ANKRD44: variants seen among roughly 807,000 people sequenced by gnomAD.
ANKRD44 encodes the protein ankyrin repeat domain 44.
ANKRD44 carries 35 observed loss-of-function variants against 116.0 expected under a neutral mutation model. The observed-to-expected ratio is 0.30, with a 90% CI of 0.23 to 0.40. The LOEUF is 0.40. Among genes scored for constraint, ANKRD44 ranks in the 10% least tolerant of loss-of-function variants. The probability of loss-of-function intolerance (pLI) is 1.00; values close to 1 mark genes in which losing one functional copy is unlikely to be tolerated. For synonymous variants in ANKRD44, 435 were observed against 461.8 expected (o/e 0.94, Z 0.74); for missense variants, 1,014 against 1,242.6 (o/e 0.82, Z 2.77).
At chr2:197,257,095 C>G (rs1309113874) in intron 1 of ANKRD44, among the ~76,000 whole-genome samples, 2 of 152,208 alleles carry the variant, frequency 1.3e-5, no homozygotes, top group African/African-American at 2.4e-5. Context: ...AAGCACTCTC[C>G]TTGCACAGGT....
At chr2:197,001,411 G>A (rs1466663872) in intron 22 of ANKRD44, among the ~76,000 whole-genome samples, 1 of 152,234 alleles carries the variant, frequency 6.6e-6, no homozygotes, top group African/African-American at 2.4e-5. Context: ...CTAACCATCT[G>A]TAGGCATACT....
Position 196,988,963 on chromosome 2 carries a change from A to T in ANKRD44, c.*628T>A, listed in dbSNP as rs1360429764. On this transcript the variant is annotated 3_prime_UTR_variant, in exon 28 of 28. Transcript: ENST00000282272. ...TCTCGCAGAAGGGCATCCAGACTGCAATGTCTTCTAAGCTCTAAGCTGGCT... is the reference window on the plus strand; with the variant it reads ...TCTCGCAGAAGGGCATCCAGACTGCTATGTCTTCTAAGCTCTAAGCTGGCT... 2.0e-6 allele frequency: 2 copies of T among 985,328 alleles called. No homozygotes were observed. Among genetic ancestry groups the T allele is most frequent in the Non-Finnish European group, 2.4e-6 (2 of 829,966 alleles). 61.0% of individuals were successfully genotyped at this position (985,328 alleles called of 1,614,324 possible). A position where few individuals can be genotyped will look rare whatever the true frequency, so the allele number is the denominator to read the frequency against.
At chr2:197,290,986 A>T (rs1280246011) in intron 1 of ANKRD44, among the ~76,000 whole-genome samples, 2 of 151,886 alleles carry the variant, frequency 1.3e-5, no homozygotes, top group East Asian at 1.9e-4. Flanking sequence ...AGGAGGGAGG[A>T]TCCCTTGAGG....
rs571001701 is a variant in ANKRD44 at position 197,062,033 on chromosome 2, G to A, written c.1650+16670C>T. ...TGACCTCGGGTGATCCACCCGCCTC[G>A]GCCTCCCAAAGTGCTTGGATTATAG... On this transcript the variant is annotated intron_variant, in intron 16 of 27. Coordinates refer to ENST00000282272, the MANE Select transcript of ANKRD44 (RefSeq NM_001195144.2). Among the ~76,000 whole-genome samples, 424 of 152,174 alleles carry A rather than the reference G, an allele frequency of 2.8e-3. 3 individuals are homozygous for A. The highest frequency in any genetic ancestry group is 9.6e-3 in the African/African-American group (397 of 41,524).
At chr2:196,984,756 TCAAG>T (rs2075825122), downstream of ANKRD44, among the ~76,000 whole-genome samples, 1 of 152,198 alleles carries the variant, frequency 6.6e-6, no homozygotes, top group Admixed American at 6.5e-5. Context: ...GTTCAGTCAG[TCAAG>T]CAAGCAATTT....
intron 1 of ANKRD44, among the ~76,000 whole-genome samples, chr2:197,266,271 GT>G (rs2082739162): frequency 6.6e-6 from 1 of 151,978 alleles, no homozygotes; most frequent in Admixed American, 6.6e-5. Context: ...TAAAAGCTCA[GT>G]AGCTACTTCA....
chr2:197,249,029 T>C (rs1006022671), intron 1 of ANKRD44, among the ~76,000 whole-genome samples: 2 of 152,114 alleles, frequency 1.3e-5, no homozygotes, highest in African/African-American at 4.8e-5. Flanking sequence ...TCCCACACTT[T>C]GAAGGCTGAG....
At chr2:197,096,858 A>C (rs144648898) in intron 10 of ANKRD44, among the ~76,000 whole-genome samples, 228 of 152,090 alleles carry the variant, frequency 1.5e-3, no homozygotes, top group African/African-American at 4.8e-3. Flanking sequence ...GGTCGTTTCC[A>C]TTCTCCCACA....
At chr2:197,252,975 C>T (rs1342015649) in intron 1 of ANKRD44, among the ~76,000 whole-genome samples, 1 of 152,178 alleles carries the variant, frequency 6.6e-6, no homozygotes, top group Admixed American at 6.5e-5. Flanking sequence ...TGACCGTAGG[C>T]ACAGATCACG....
intron 1 of ANKRD44, among the ~76,000 whole-genome samples, chr2:197,307,343 T>C (rs1453669302): frequency 6.6e-6 from 1 of 152,176 alleles, no homozygotes; most frequent in Non-Finnish European, 1.5e-5. Context: ...TTGCCTGGAA[T>C]TTTCCCGGTT....
chr2:197,078,919 AGTTT>A (rs1348665344), intron 15 of ANKRD44, 105 bp from the exon 16 acceptor site: 67 of 1,177,892 alleles, frequency 5.7e-5, no homozygotes, highest in Non-Finnish European at 7.3e-5. Context: ...GTACTTTATG[AGTTT>A]GTTTCTTTAA....
intron 16 of ANKRD44, among the ~76,000 whole-genome samples, chr2:197,071,282 G>A (rs2077553409): frequency 2.0e-5 from 3 of 152,130 alleles, no homozygotes; most frequent in African/African-American, 7.2e-5. Context: ...TGAGGTAGAA[G>A]CTTAGATTAC....
downstream of ANKRD44, among the ~76,000 whole-genome samples, chr2:196,981,758 A>G (rs1162897348): frequency 6.6e-6 from 1 of 152,124 alleles, no homozygotes; most frequent in African/African-American, 2.4e-5. Flanking sequence ...CAGCCTGGGC[A>G]ACAAGAGTGA....
chr2:196,968,230 C>T (rs986916485), intron 21 of ANKRD44, among the ~76,000 whole-genome samples: 10 of 151,992 alleles, frequency 6.6e-5, no homozygotes, highest in South Asian at 4.1e-4. Context: ...CAGAAGAGAC[C>T]AAATGTGGAA....
At chr2:197,176,246 A>T (rs1404966218) in intron 2 of ANKRD44, among the ~76,000 whole-genome samples, 1 of 152,180 alleles carries the variant, frequency 6.6e-6, no homozygotes, top group Non-Finnish European at 1.5e-5. Context: ...CTTATTCAAA[A>T]CTTCGAAATT....
chr2:197,010,048 TGGAGGAGGA>T (rs1042427454), intron 18 of ANKRD44, among the ~76,000 whole-genome samples: 1 of 150,440 alleles, frequency 6.6e-6, no homozygotes, highest in Non-Finnish European at 1.5e-5. Flanking sequence ...AGGAGCAGGA[TGGAGGAGGA>T]GGAGGAAGGC....
intron 1 of ANKRD44, among the ~76,000 whole-genome samples, chr2:197,211,277 A>G (rs2081317967): frequency 6.6e-6 from 1 of 152,210 alleles, no homozygotes; most frequent in South Asian, 2.1e-4. Flanking sequence ...CCAGGGTGAG[A>G]GACAACCCAG....
At chr2:197,161,979 C>A (rs1164162825) in intron 2 of ANKRD44, among the ~76,000 whole-genome samples, 1 of 152,190 alleles carries the variant, frequency 6.6e-6, no homozygotes, top group Non-Finnish European at 1.5e-5. Context: ...TCACACCATG[C>A]TACGGTCTCG....
intron 9 of ANKRD44, among the ~76,000 whole-genome samples, chr2:197,102,079 CAA>C (rs201087757): frequency 6.6e-6 from 1 of 150,570 alleles, no homozygotes; most frequent in Non-Finnish European, 1.5e-5. Context: ...AAAACAAAAA[CAA>C]AAAAAAATCC....
Sources: allele counts gnomAD v4.1 joint callset (sites outside exome capture counted in the v4.1 genomes callset), GRCh38; gene constraint gnomAD v4.1.1; transcripts MANE v1.5; gene names NCBI Gene and HGNC (gene_info 2026-07-23, HGNC 2026-07-21).